Variants in NMNAT3 observed in about 807,000 individuals in gnomAD.
NMNAT3 encodes nicotinamide nucleotide adenylyltransferase 3.
Under a neutral mutation model 24.8 loss-of-function variants are expected in NMNAT3, and 21 were observed. The ratio of observed to expected loss-of-function variants is 0.85; its 90% confidence interval spans 0.60 to 1.22. The LOEUF is 1.22. Among genes scored for constraint, NMNAT3 ranks in the 50% most tolerant of loss-of-function variants. NMNAT3 has a pLI of 0.00. For synonymous variants in NMNAT3, 136 were observed against 155.2 expected, an observed-to-expected ratio of 0.88 and a Z score of 0.92; for missense variants, 387 against 436.6, an observed-to-expected ratio of 0.89 and a Z score of 1.01.
chr3:139,582,639 C>CAAAAAAAA (rs58495559), intron 4 of NMNAT3, among the ~76,000 whole-genome samples: 3 of 57,486 alleles, frequency 5.2e-5, no homozygotes, highest in African/African-American at 8.1e-5. Context: ...GGGACTGTCT[C>CAAAAAAAA]AAAAAAAAAA....
intron 1 of NMNAT3, among the ~76,000 whole-genome samples, chr3:139,665,687 A>C (rs897508335): frequency 2.0e-5 from 3 of 151,468 alleles, no homozygotes; most frequent in Non-Finnish European, 2.9e-5. Context: ...TAGTGATCTC[A>C]AGTAAAGCCC....
chr3:139,654,511 C>T (rs944763543), intron 1 of NMNAT3, among the ~76,000 whole-genome samples: 3 of 152,182 alleles, frequency 2.0e-5, no homozygotes, highest in African/African-American at 7.2e-5. Flanking sequence ...AACAATATCA[C>T]AAAAATAAGA....
In NMNAT3 at chr3:139,561,061, G is replaced by C; in HGVS notation, c.990C>G (p.Gly330=). 1 of 1,613,936 alleles carries C rather than the reference G, an allele frequency of 6.2e-7. No homozygotes were observed. The change falls in exon 7 of 7, where the codon GGC becomes GGG. Residue 330 remains glycine, a synonymous_variant. Transcript: ENST00000643695. ...GGGTGCTTTTGCCTTTCCAGGTACT[G>C]CCCTTGGTGTAGAGGCCATGGTCCT...
intron 1 of NMNAT3, among the ~76,000 whole-genome samples, chr3:139,653,922 G>A (rs1442063331): frequency 1.3e-5 from 2 of 152,174 alleles, no homozygotes; most frequent in Admixed American, 1.3e-4. Context: ...AGATCAGCAG[G>A]TTGGAGACAA....
At chr3:139,622,375 T>C (rs986449014) in intron 3 of NMNAT3, among the ~76,000 whole-genome samples, 8 of 148,642 alleles carry the variant, frequency 5.4e-5, no homozygotes, top group African/African-American at 1.8e-4. Flanking sequence ...GACGATTGTA[T>C]ATTTTTTTTG....
chr3:139,621,606 A>G (rs1474073870), intron 3 of NMNAT3, among the ~76,000 whole-genome samples: 2 of 152,192 alleles, frequency 1.3e-5, no homozygotes, highest in Non-Finnish European at 2.9e-5. Context: ...TCCTGGCCTC[A>G]AGTGATCCAC....
rs146103239 is a variant in NMNAT3, at chr3:139,574,266, C to T, written c.576-586G>A. Among the ~76,000 whole-genome samples, 1,175 of 152,352 alleles carry T rather than the reference C, an allele frequency of 7.7e-3. 21 individuals carry two copies. Among genetic ancestry groups the T allele is most frequent in the African/African-American group, 0.027 (1,106 of 41,574 alleles). ...GATGGCCTGGGTTGAATCTCAGCTC[C>T]TCCACCAGCTGGCTGTGTGACCCTG... On this transcript the variant is annotated intron_variant, in intron 5 of 6. Coordinates refer to ENST00000643695, the MANE Select transcript of NMNAT3 (RefSeq NM_001320510.2).
At chr3:139,624,489 C>G (rs1316593709) in intron 3 of NMNAT3, among the ~76,000 whole-genome samples, 1 of 151,940 alleles carries the variant, frequency 6.6e-6, no homozygotes, top group African/African-American at 2.4e-5. Context: ...GCTGCACTCC[C>G]CAGGCTGGAG....
intron 1 of NMNAT3, among the ~76,000 whole-genome samples, chr3:139,667,989 A>C (rs976530976): frequency 7.9e-5 from 12 of 152,214 alleles, no homozygotes; most frequent in Non-Finnish European, 2.9e-5. Flanking sequence ...TGTGATAGAG[A>C]TAAGGATATG....
chr3:139,599,225 T>C (rs1272947458), intron 3 of NMNAT3: 2 of 625,916 alleles, frequency 3.2e-6, no homozygotes, highest in Admixed American at 5.6e-5. Context: ...TCAAAACAAT[T>C]GAGAAAAGCA....
At chr3:139,598,177 T>A (rs149012786) in intron 3 of NMNAT3, among the ~76,000 whole-genome samples, 76 of 152,336 alleles carry the variant, frequency 5.0e-4, no homozygotes, top group Admixed American at 1.7e-3. Context: ...GAGAGAATTG[T>A]GACAGATGGT....
intron 1 of NMNAT3, among the ~76,000 whole-genome samples, chr3:139,666,150 G>A (rs928474295): frequency 5.3e-5 from 8 of 152,196 alleles, no homozygotes; most frequent in Non-Finnish European, 1.0e-4. Context: ...AGCATGCGCT[G>A]TCCACATGCT....
chr3:139,606,095 TAAA>T, intron 3 of NMNAT3, among the ~76,000 whole-genome samples: 1 of 152,322 alleles, frequency 6.6e-6, no homozygotes, highest in East Asian at 1.9e-4. Context: ...GTTAATAACT[TAAA>T]TAACCATGGT....
chr3:139,580,187 T>C (rs1251980673), intron 4 of NMNAT3, among the ~76,000 whole-genome samples: 1 of 151,078 alleles, frequency 6.6e-6, no homozygotes, highest in Admixed American at 6.6e-5. Flanking sequence ...AACTTTCTTT[T>C]TGAGACAGAG....
intron 3 of NMNAT3, among the ~76,000 whole-genome samples, chr3:139,591,073 A>T (rs1345057841): frequency 2.0e-5 from 3 of 151,656 alleles, no homozygotes; most frequent in Non-Finnish European, 4.4e-5. Context: ...TCATCTCACT[A>T]GGGAGTGCCA....
At chr3:139,605,618 C>T (rs2054907445) in intron 3 of NMNAT3, among the ~76,000 whole-genome samples, 1 of 152,140 alleles carries the variant, frequency 6.6e-6, no homozygotes, top group Admixed American at 6.5e-5. Flanking sequence ...TCTCAAAAGC[C>T]AATTGCCAGA....
intron 3 of NMNAT3, among the ~76,000 whole-genome samples, chr3:139,596,895 C>T (rs1238340416): frequency 2.4e-5 from 3 of 123,334 alleles, no homozygotes; most frequent in South Asian, 3.0e-4. Context: ...ATCTTTTTTC[C>T]ACTATATTTT....
intron 6 of NMNAT3, among the ~76,000 whole-genome samples, chr3:139,564,296 A>G (rs1210910868): frequency 6.6e-6 from 1 of 152,196 alleles, no homozygotes; most frequent in African/African-American, 2.4e-5. Flanking sequence ...GAAATGTGGG[A>G]CTTCTGGGTC....
rs530971933 is a variant in NMNAT3 at position 139,572,351 on chromosome 3, C to CAGAA, written c.658+1243_658+1246dup. ...GCAGGTAACGGAGAGGACAGGCAGA[C>CAGAA]AGAAAGACCAGAGGAATACAATAAA... On this transcript the variant is annotated intron_variant, in intron 6 of 6. Coordinates refer to ENST00000643695, the MANE Select transcript of NMNAT3 (RefSeq NM_001320510.2). The CAGAA allele has an allele frequency of 1.9e-4, 76 of 396,016 alleles. No homozygotes were observed. In the South Asian group the frequency reaches 3.6e-3, roughly 19 times the overall value. 24.5% of individuals were successfully genotyped at this position (396,016 alleles called of 1,614,324 possible).
Sources: allele counts gnomAD v4.1 joint callset (sites outside exome capture counted in the v4.1 genomes callset), GRCh38; gene constraint gnomAD v4.1.1; transcripts MANE v1.5; gene names NCBI Gene and HGNC (gene_info 2026-07-23, HGNC 2026-07-21).